BMP2K: variants seen among roughly 807,000 people sequenced by gnomAD.
BMP2K encodes the protein BMP2 inducible kinase, also known as BMP-2-inducible protein kinase.
Under a neutral mutation model 116.0 loss-of-function variants are expected in BMP2K, and 74 were observed. The observed-to-expected ratio is 0.64, with a 90% CI of 0.53 to 0.77. The LOEUF (loss-of-function observed/expected upper bound fraction) is 0.77. Among genes scored for constraint, BMP2K ranks in the 30% least tolerant of loss-of-function variants. BMP2K has a pLI of 0.00. For synonymous variants in BMP2K, 486 were observed against 502.5 expected (o/e 0.97, Z 0.44); for missense variants, 1,365 against 1,403.6 (o/e 0.97, Z 0.44).
intron 1 of BMP2K, among the ~76,000 whole-genome samples, chr4:78,799,074 A>G (rs1728440945): frequency 6.6e-6 from 1 of 152,222 alleles, no homozygotes; most frequent in Non-Finnish European, 1.5e-5. Context: ...ACATTTCTGA[A>G]AAGACAGGGC....
In BMP2K at chr4:78,910,641, T is replaced by C. The variant is rs369777688; in HGVS notation, c.2094T>C (p.Ser698=). The C allele has an allele frequency of 9.6e-6, 15 of 1,557,636 alleles. No homozygotes were observed. The African/African-American group carries it at 2.1e-4, about 22-fold the overall frequency. The part of the protein sequence containing the change: ...GSPEKKAEHS[S]INQENGTANP... ...CTGAAAAGAAAGCTGAACATTCATC[T>C]ATAAATCAAGAAAATGGCACTGCAA... The change falls in exon 16 of 16, where the codon TCT becomes TCC. Residue 698 remains serine, a synonymous_variant. Coordinates refer to ENST00000502613, the MANE Select transcript of BMP2K (RefSeq NM_198892.2).
At chr4:78,811,762 C>T (rs142889069) in intron 1 of BMP2K, among the ~76,000 whole-genome samples, 51 of 152,260 alleles carry the variant, frequency 3.3e-4, no homozygotes, top group African/African-American at 1.1e-3. Flanking sequence ...TCATTTAAGA[C>T]ATTTCTCTCG....
At chr4:78,777,469 A>G (rs1217352839) in intron 1 of BMP2K, among the ~76,000 whole-genome samples, 1 of 152,228 alleles carries the variant, frequency 6.6e-6, no homozygotes, top group Non-Finnish European at 1.5e-5. Context: ...GACGGCAGGT[A>G]GAAGTCTACT....
At chr4:78,882,712 T>A (rs1732922622) in intron 14 of BMP2K, among the ~76,000 whole-genome samples, 1 of 151,956 alleles carries the variant, frequency 6.6e-6, no homozygotes, top group Non-Finnish European at 1.5e-5. Flanking sequence ...GATGGTGGAT[T>A]TGTTTCTGCT....
At chr4:78,854,462 T>G (rs1731405244) in intron 7 of BMP2K, among the ~76,000 whole-genome samples, 1 of 151,814 alleles carries the variant, frequency 6.6e-6, no homozygotes, top group South Asian at 2.1e-4. Flanking sequence ...TTAGTAGAGA[T>G]GGGGTTTCAC....
chr4:78,848,841 T>C (rs1282569412), intron 6 of BMP2K, among the ~76,000 whole-genome samples: 1 of 151,346 alleles, frequency 6.6e-6, no homozygotes, highest in African/African-American at 2.4e-5. Context: ...GAACAGTGTA[T>C]TTATATGCTT....
rs367954433 is a variant in BMP2K at position 78,889,695 on chromosome 4, T to C, written c.2062+2411T>C. 1.3e-3 allele frequency among the ~76,000 whole-genome samples: 197 copies of C among 152,340 alleles called. 8 individuals carry two copies. The South Asian group carries it at 0.035, about 27-fold the overall frequency. On this transcript the variant is annotated intron_variant, in intron 15 of 15. Transcript: ENST00000502613. ...GACTGAAAAAGCATCTGGAGATTTCTAGGACTAGGACCCAAGAAAGGCAAA... is the reference window on the plus strand; with the variant it reads ...GACTGAAAAAGCATCTGGAGATTTCCAGGACTAGGACCCAAGAAAGGCAAA...
chr4:78,872,494 G>GT, intron 12 of BMP2K, 120 bp from the exon 13 acceptor site: 1 of 861,828 alleles, frequency 1.2e-6, no homozygotes, highest in South Asian at 2.4e-5. Flanking sequence ...GTAGATGATT[G>GT]TTTTTTACGT....
At chr4:78,814,987 G>A (rs926744953) in intron 1 of BMP2K, among the ~76,000 whole-genome samples, 1 of 152,076 alleles carries the variant, frequency 6.6e-6, no homozygotes, top group Non-Finnish European at 1.5e-5. Flanking sequence ...CCCAATTTGG[G>A]AAATTGGATG....
At position 78,787,256 on chromosome 4, in the gene BMP2K, C is replaced by G. The variant is rs1727773844; in HGVS notation, c.178+10535C>G. Reference sequence around the variant, plus strand: ...GCTGACTCTGTTTTTGAAGTTCTGTCCATTTTAAAATAAGGAGATAGAGAT... The same window carrying G: ...GCTGACTCTGTTTTTGAAGTTCTGTGCATTTTAAAATAAGGAGATAGAGAT... On this transcript the variant is annotated intron_variant, in intron 1 of 15. Transcript: ENST00000502613. 4.6e-5 allele frequency among the ~76,000 whole-genome samples: 7 copies of G among 152,222 alleles called. No individual in the cohort carries two copies. The South Asian group carries it at 1.5e-3, about 32-fold the overall frequency.
At chr4:78,902,606 A>G (rs1200156497) in intron 15 of BMP2K, among the ~76,000 whole-genome samples, 1 of 152,160 alleles carries the variant, frequency 6.6e-6, no homozygotes, top group African/African-American at 2.4e-5. Context: ...TGTAATTACA[A>G]TAGAAGTTTC....
intron 2 of BMP2K, among the ~76,000 whole-genome samples, chr4:78,826,514 C>G (rs1729882047): frequency 6.6e-6 from 1 of 151,908 alleles, no homozygotes. Context: ...GTTTTGTTTT[C>G]TATAACATTA....
intron 15 of BMP2K, among the ~76,000 whole-genome samples, chr4:78,906,725 A>G (rs1237452390): frequency 6.6e-6 from 1 of 152,044 alleles, no homozygotes; most frequent in Non-Finnish European, 1.5e-5. Flanking sequence ...GGGCCCAGAA[A>G]AGTTACTAGA....
At chr4:78,890,525 C>T (rs552970117) in intron 15 of BMP2K, among the ~76,000 whole-genome samples, 1 of 152,240 alleles carries the variant, frequency 6.6e-6, no homozygotes, top group Non-Finnish European at 1.5e-5. Context: ...TTTGTCACCA[C>T]TGAGGTTTAT....
chr4:78,788,982 T>C (rs1727876747), intron 1 of BMP2K, among the ~76,000 whole-genome samples: 1 of 150,854 alleles, frequency 6.6e-6, no homozygotes, highest in Non-Finnish European at 1.5e-5. Flanking sequence ...TCAATTTCAC[T>C]GATTTTTTTC....
intron 15 of BMP2K, among the ~76,000 whole-genome samples, chr4:78,895,719 A>G (rs1334555034): frequency 1.3e-5 from 2 of 152,152 alleles, no homozygotes; most frequent in Non-Finnish European, 2.9e-5. Flanking sequence ...AAGGACTATA[A>G]TATCATTGCC....
chr4:78,902,069 A>G (rs574733300), intron 15 of BMP2K, among the ~76,000 whole-genome samples: 4 of 152,138 alleles, frequency 2.6e-5, no homozygotes, highest in African/African-American at 2.4e-5. Context: ...AATGAGGTGT[A>G]TTGTTTATTT....
intron 15 of BMP2K, among the ~76,000 whole-genome samples, chr4:78,905,620 G>A (rs1214177586): frequency 6.6e-6 from 1 of 151,908 alleles, no homozygotes; most frequent in Non-Finnish European, 1.5e-5. Flanking sequence ...ACAGATCTCA[G>A]TAAATATGGG....
In BMP2K at chr4:78,871,064, AT is replaced by A; in HGVS notation, c.1509+11del. 6.2e-7 allele frequency: 1 copy of A among 1,601,494 alleles called. No individual in the cohort carries two copies. On this transcript the variant is annotated splice_donor_5th_base_variant and intron_variant, in intron 11 of 15. Transcript: ENST00000502613. ...TCAAGATGCTTATATGCAGCAGGTA[AT>A]TTTTTTGTTTCTTTAGATATGGAAG...
Sources: allele counts gnomAD v4.1 joint callset (sites outside exome capture counted in the v4.1 genomes callset), GRCh38; gene constraint gnomAD v4.1.1; transcripts MANE v1.5; gene names NCBI Gene and HGNC (gene_info 2026-07-23, HGNC 2026-07-21).